Variants in CSMD1 observed in about 807,000 individuals in gnomAD.
The protein encoded by CSMD1 is CUB and Sushi multiple domains 1, also known as CUB and sushi domain-containing protein 1.
Under a neutral mutation model 417.5 loss-of-function variants are expected in CSMD1, and 213 were observed. The ratio of observed to expected loss-of-function variants is 0.51; its 90% CI spans 0.46 to 0.57. The LOEUF (loss-of-function observed/expected upper bound fraction) is 0.57. Ranked by LOEUF, CSMD1 falls within the 20% of genes least tolerant of loss-of-function variation. CSMD1 has a pLI of 0.00. For synonymous variants in CSMD1, 2,862 were observed against 1,736.8 expected (o/e 1.65, Z -16.11); for missense variants, 6,923 against 4,529.7 (o/e 1.53, Z -15.17).
At chr8:4,277,378 G>A (rs747621166) in intron 3 of CSMD1, among the ~76,000 whole-genome samples, 13 of 152,102 alleles carry the variant, frequency 8.5e-5, no homozygotes, top group Non-Finnish European at 1.6e-4. Flanking sequence ...CTCTGAATCT[G>A]AAGGTGTCTG....
intron 1 of CSMD1, among the ~76,000 whole-genome samples, chr8:4,982,237 G>T (rs1810932926): frequency 6.6e-6 from 1 of 152,218 alleles, no homozygotes; most frequent in Non-Finnish European, 1.5e-5. Flanking sequence ...GTTTGAAGCT[G>T]TTGCGTTTGC....
At chr8:4,713,444 C>A (rs917385911) in intron 1 of CSMD1, among the ~76,000 whole-genome samples, 8 of 151,792 alleles carry the variant, frequency 5.3e-5, no homozygotes, top group Non-Finnish European at 1.2e-4. Flanking sequence ...CTCTCTTGCC[C>A]AGGCTGGAGT....
intron 1 of CSMD1, among the ~76,000 whole-genome samples, chr8:4,957,547 T>C (rs1475540427): frequency 1.3e-5 from 2 of 152,164 alleles, no homozygotes; most frequent in African/African-American, 4.8e-5. Context: ...GAGAAATTCA[T>C]TGTGATATCA....
At chr8:3,989,325 T>C (rs1376227401) in intron 5 of CSMD1, among the ~76,000 whole-genome samples, 2 of 152,204 alleles carry the variant, frequency 1.3e-5, no homozygotes, top group African/African-American at 4.8e-5. Flanking sequence ...AACCGAGGTC[T>C]GAATCAGTCA....
chr8:3,910,273 C>A (rs545876806), intron 5 of CSMD1, among the ~76,000 whole-genome samples: 1 of 152,206 alleles, frequency 6.6e-6, no homozygotes, highest in South Asian at 2.1e-4. Flanking sequence ...CCCAGCTGCT[C>A]AGCTCTCTCA....
intron 26 of CSMD1, 100 bp from the exon 27 acceptor site, chr8:3,230,331 C>A (rs1862877): frequency 2.3e-6 from 2 of 875,510 alleles, no homozygotes. Context: ...TCTTCATTGG[C>A]CTAATAAGTC....
chr8:3,121,486 T>C (rs1817202929), intron 41 of CSMD1, among the ~76,000 whole-genome samples: 1 of 151,966 alleles, frequency 6.6e-6, no homozygotes, highest in Non-Finnish European at 1.5e-5. Context: ...TGAGACAAAT[T>C]CCTCCCAGAG....
At position 4,034,022 on chromosome 8, in the gene CSMD1, G is replaced by C. The variant is rs74374124; in HGVS notation, c.416-1923C>G. On this transcript the variant is annotated intron_variant, in intron 3 of 69. Transcript: ENST00000635120. The stretch of plus-strand genomic sequence containing the variant: ...AATACAAACACTTCCAAATAAAAAT[G>C]TATTTCCAATTGAACAGAAACTATT... Among the ~76,000 whole-genome samples the C allele has an allele frequency of 1.3e-4, 20 of 152,262 alleles. No homozygotes were observed. In the East Asian group the frequency reaches 2.7e-3, roughly 21 times the overall value.
intron 8 of CSMD1, among the ~76,000 whole-genome samples, chr8:3,600,263 G>A (rs1307522243): frequency 6.6e-6 from 1 of 152,106 alleles, no homozygotes; most frequent in Non-Finnish European, 1.5e-5. Context: ...AGGAAGCTTA[G>A]GTAAAATTCC....
intron 3 of CSMD1, among the ~76,000 whole-genome samples, chr8:4,343,459 G>C (rs931773108): frequency 6.6e-6 from 1 of 152,074 alleles, no homozygotes; most frequent in African/African-American, 2.4e-5. Flanking sequence ...TGATGAATAT[G>C]TTACTTAGCT....
At chr8:4,948,726 T>C (rs950455409) in intron 1 of CSMD1, among the ~76,000 whole-genome samples, 2 of 152,132 alleles carry the variant, frequency 1.3e-5, no homozygotes, top group African/African-American at 4.8e-5. Context: ...TGTAGGCATC[T>C]GTACCATTTA....
intron 1 of CSMD1, among the ~76,000 whole-genome samples, chr8:4,987,759 C>T (rs1811257110): frequency 1.3e-5 from 2 of 152,106 alleles, no homozygotes; most frequent in Admixed American, 6.5e-5. Context: ...TGGGTGGGCA[C>T]CAGCTCATCA....
chr8:3,983,641 C>T (rs998482101), intron 5 of CSMD1, among the ~76,000 whole-genome samples: 23 of 152,142 alleles, frequency 1.5e-4, no homozygotes, highest in Admixed American at 9.2e-4. Context: ...CCATAGCCCA[C>T]GTGTATCATG....
intron 3 of CSMD1, among the ~76,000 whole-genome samples, chr8:4,172,429 A>G (rs1364392617): frequency 6.6e-6 from 1 of 152,184 alleles, no homozygotes; most frequent in Non-Finnish European, 1.5e-5. Context: ...GTTACACAGC[A>G]TAGTCTAGGT....
intron 2 of CSMD1, among the ~76,000 whole-genome samples, chr8:4,520,392 G>T (rs969735392): frequency 1.3e-5 from 2 of 152,150 alleles, no homozygotes; most frequent in Non-Finnish European, 2.9e-5. Flanking sequence ...TTCATATAAT[G>T]TTGGCTAGCT....
chr8:4,569,303 C>T (rs748926612), intron 2 of CSMD1, among the ~76,000 whole-genome samples: 1 of 152,160 alleles, frequency 6.6e-6, no homozygotes, highest in African/African-American at 2.4e-5. Flanking sequence ...TTTAATCCAT[C>T]TTGAGTTAAT....
At chr8:4,963,977 G>T (rs1809684456) in intron 1 of CSMD1, among the ~76,000 whole-genome samples, 1 of 151,992 alleles carries the variant, frequency 6.6e-6, no homozygotes, top group South Asian at 2.1e-4. Context: ...CATATAGATT[G>T]TCAAATCCTA....
intron 26 of CSMD1, among the ~76,000 whole-genome samples, chr8:3,238,752 T>G (rs1799310272): frequency 6.6e-6 from 1 of 152,126 alleles, no homozygotes; most frequent in Non-Finnish European, 1.5e-5. Context: ...GACATCTAAT[T>G]AGAGAGTGCC....
At position 4,791,068 on chromosome 8, in the gene CSMD1, C is replaced by A. The variant is rs73499954; in HGVS notation, c.86-153510G>T. On this transcript the variant is annotated intron_variant, in intron 1 of 69. Transcript: ENST00000635120. Reference sequence around the variant, plus strand: ...AAACACAAGCTAGTAGGGAGAGAGACGGTGAGAGAGACGGTGAGAGAGACG... The same window carrying A: ...AAACACAAGCTAGTAGGGAGAGAGAAGGTGAGAGAGACGGTGAGAGAGACG... 3.8e-3 allele frequency among the ~76,000 whole-genome samples: 455 copies of A among 118,190 alleles called. 2 individuals are homozygous for A. Among genetic ancestry groups the A allele is most frequent in the African/African-American group, 0.012 (435 of 36,434 alleles). 77.5% of individuals were successfully genotyped at this position (118,190 alleles called of 152,430 possible).
Sources: gnomAD v4.1 joint callset for allele counts (sites outside exome capture counted in the v4.1 genomes callset) on GRCh38, gnomAD v4.1.1 for gene constraint, MANE v1.5 for transcripts, NCBI Gene and HGNC (gene_info 2026-07-23, HGNC 2026-07-21) for gene names.